The following AKAP6 variants were observed in gnomAD, a reference collection of about 807,000 sequenced individuals.
AKAP6 encodes A-kinase anchoring protein 6.
A neutral mutation model predicts 188.5 loss-of-function variants in AKAP6; 58 were observed. That is an observed-to-expected ratio of 0.31 (90% confidence interval 0.25 to 0.38). AKAP6 has a LOEUF of 0.38. Ranked by LOEUF, AKAP6 falls within the 10% of genes least tolerant of loss-of-function variation. AKAP6 has a pLI of 1.00. For synonymous variants in AKAP6, 989 were observed against 998.6 expected, an observed-to-expected ratio of 0.99 and a Z score of 0.18; for missense variants, 2,710 against 2,740.0, an observed-to-expected ratio of 0.99 and a Z score of 0.24.
At chr14:32,780,156 A>C (rs902426208) in intron 12 of AKAP6, among the ~76,000 whole-genome samples, 11 of 113,860 alleles carry the variant, frequency 9.7e-5, no homozygotes, top group East Asian at 2.3e-4. Context: ...GAAAAAAAAA[A>C]CATATATATA....
chr14:32,382,650 G>A (rs574442722), intron 1 of AKAP6, among the ~76,000 whole-genome samples: 1 of 152,244 alleles, frequency 6.6e-6, no homozygotes, highest in South Asian at 2.1e-4. Context: ...TGAAAAATTG[G>A]CAGGATTCAA....
chr14:32,837,440 AG>A lies in AKAP6; in HGVS notation c.*7636del, dbSNP rs1420466594. The A allele has an allele frequency of 1.3e-5, 2 of 152,218 alleles. No individual in the cohort carries two copies. Among genetic ancestry groups the A allele is most frequent in the African/African-American group, 2.4e-5 (1 of 41,460 alleles). 9.4% of individuals were successfully genotyped at this position (152,218 alleles called of 1,614,324 possible). ...GGCATTAGGAACATAAAAATGCATA[AG>A]ATCCTCTTTTAAATCCCAATATTCC... On this transcript the variant is annotated 3_prime_UTR_variant, in exon 14 of 14. Transcript: ENST00000280979.
chr14:32,706,867 G>T (rs954464958), intron 9 of AKAP6, among the ~76,000 whole-genome samples: 1 of 151,964 alleles, frequency 6.6e-6, no homozygotes, highest in Non-Finnish European at 1.5e-5. Flanking sequence ...TGCTCTTATG[G>T]CCTTTGGGTT....
At chr14:32,348,412 T>TC (rs1566456220) in intron 1 of AKAP6, among the ~76,000 whole-genome samples, 2 of 93,798 alleles carry the variant, frequency 2.1e-5, no homozygotes, top group African/African-American at 1.1e-4. Context: ...TCTTTTCTTT[T>TC]GTTTCTTTTT....
chr14:32,500,402 A>G (rs187698605), intron 2 of AKAP6, among the ~76,000 whole-genome samples: 1 of 152,328 alleles, frequency 6.6e-6, no homozygotes, highest in East Asian at 1.9e-4. Flanking sequence ...TCTTATTACA[A>G]GGACAGAGGG....
At chr14:32,521,460 C>T (rs1383324988) in intron 2 of AKAP6, among the ~76,000 whole-genome samples, 2 of 152,136 alleles carry the variant, frequency 1.3e-5, no homozygotes, top group African/African-American at 2.4e-5. Flanking sequence ...CCTAAAATCT[C>T]CTTAAGCTGA....
chr14:32,745,075 ATC>A (rs1399400824), intron 11 of AKAP6, among the ~76,000 whole-genome samples: 3 of 152,142 alleles, frequency 2.0e-5, no homozygotes, highest in East Asian at 1.9e-4. Context: ...AAGGTCACAT[ATC>A]TCTGTTTCTC....
At chr14:32,430,873 G>A (rs1296426334) in intron 1 of AKAP6, among the ~76,000 whole-genome samples, 2 of 152,064 alleles carry the variant, frequency 1.3e-5, no homozygotes, top group Admixed American at 6.5e-5. Flanking sequence ...TTGGGAGGCC[G>A]AGGTGGGCGG....
intron 9 of AKAP6, among the ~76,000 whole-genome samples, chr14:32,714,490 G>A (rs1372028834): frequency 6.6e-6 from 1 of 151,668 alleles, no homozygotes; most frequent in Non-Finnish European, 1.5e-5. Flanking sequence ...CACTGCTTTT[G>A]GTTCATTTCA....
chr14:32,444,845 A>G (rs960321349), intron 2 of AKAP6, among the ~76,000 whole-genome samples: 4 of 152,200 alleles, frequency 2.6e-5, no homozygotes, highest in Non-Finnish European at 2.9e-5. Context: ...CATCTTCAAC[A>G]TTTACCTCTG....
chr14:32,466,223 T>G (rs1484352589), intron 2 of AKAP6, among the ~76,000 whole-genome samples: 1 of 152,264 alleles, frequency 6.6e-6, no homozygotes, highest in Non-Finnish European at 1.5e-5. Context: ...GTCCCATTAC[T>G]GGGTAAATAC....
intron 9 of AKAP6, among the ~76,000 whole-genome samples, chr14:32,700,686 G>T (rs916997902): frequency 1.3e-5 from 2 of 152,114 alleles, no homozygotes; most frequent in Admixed American, 1.3e-4. Flanking sequence ...TAGCCTAGGA[G>T]CAATAGGCTC....
chr14:32,800,776 A>T (rs2140088052), intron 12 of AKAP6, among the ~76,000 whole-genome samples: 1 of 152,222 alleles, frequency 6.6e-6, no homozygotes, highest in Admixed American at 6.5e-5. Flanking sequence ...GCATTTTGGG[A>T]GGCCAAAGTG....
At chr14:32,706,859 C>T (rs916817733) in intron 9 of AKAP6, among the ~76,000 whole-genome samples, 4 of 151,914 alleles carry the variant, frequency 2.6e-5, no homozygotes, top group Admixed American at 2.0e-4. Flanking sequence ...CAGGCTAATG[C>T]TCTTATGGCC....
intron 7 of AKAP6, 77 bp from the exon 8 acceptor site, chr14:32,678,234 C>G: frequency 1.4e-6 from 2 of 1,464,388 alleles, no homozygotes; most frequent in Non-Finnish European, 9.3e-7. Context: ...AATTCCCATT[C>G]TTTGAGTTGT....
chr14:32,614,356 T>A (rs895319124), intron 7 of AKAP6, among the ~76,000 whole-genome samples: 1 of 152,204 alleles, frequency 6.6e-6, no homozygotes, highest in African/African-American at 2.4e-5. Flanking sequence ...GTAGAAGAGT[T>A]TGAAGATGAA....
Position 32,590,356 on chromosome 14 carries a change from C to T in AKAP6, c.2470-9054C>T, listed in dbSNP as rs143475726. The stretch of plus-strand genomic sequence containing the variant: ...AGGTATTAAAAATATCTGCTAAGGC[C>T]GGGCACAGTGGCTCACAGTGGTTGC... On this transcript the variant is annotated intron_variant, in intron 5 of 13. Coordinates refer to ENST00000280979, the MANE Select transcript of AKAP6 (RefSeq NM_004274.5). 4.4e-3 allele frequency among the ~76,000 whole-genome samples: 673 copies of T among 152,040 alleles called. 6 individuals carry two copies. The highest frequency in any genetic ancestry group is 0.015 in the African/African-American group (639 of 41,478).
At position 32,823,806 on chromosome 14, in the gene AKAP6, A is replaced by C; in HGVS notation, c.5993A>C (p.Asp1998Ala). 1 of 1,613,536 alleles carries C rather than the reference A, an allele frequency of 6.2e-7. No individual in the cohort carries two copies. The highest frequency in any genetic ancestry group is 8.5e-7 in the Non-Finnish European group (1 of 1,179,924). ...GAAACCAGGTTTAACAACAGACAAG[A>C]CTCTGATGCACTGAAATCATCTGAT... Reference protein sequence around the residue: ...ALETRFNNRQDSDALKSSDDA... With the variant: ...ALETRFNNRQASDALKSSDDA... Residue 1998 changes from aspartate to alanine, a missense_variant, in exon 13 of 14, where the codon GAC (aspartate) becomes GCC (alanine). Asp to Ala is a moderately radical substitution (Grantham distance 126). Around this residue, in one of 2 missense-constraint regions of AKAP6, gnomAD observed 2,473 missense variants for 2,426.1 expected, o/e 1.02. Coordinates refer to ENST00000280979, the MANE Select transcript of AKAP6 (RefSeq NM_004274.5).
intron 1 of AKAP6, among the ~76,000 whole-genome samples, chr14:32,404,712 T>TATATATATATATA (rs1491351629): frequency 2.8e-4 from 3 of 10,536 alleles, no homozygotes; most frequent in Non-Finnish European, 7.8e-4. Context: ...ATATATATAT[T>TATATATATATATA]AGTCAGAATG....
Sources: gnomAD v4.1 joint callset for allele counts (sites outside exome capture counted in the v4.1 genomes callset) on GRCh38, gnomAD v4.1.1 for gene constraint, gnomAD v4.1.1 regional missense constraint, MANE v1.5 for transcripts, NCBI Gene and HGNC (gene_info 2026-07-23, HGNC 2026-07-21) for gene names.